Variants in PAQR5 observed in about 807,000 individuals in gnomAD.
PAQR5 encodes the protein progestin and adipoQ receptor family member 5.
Under a neutral mutation model 34.5 loss-of-function variants are expected in PAQR5, and 20 were observed. That is an observed-to-expected ratio of 0.58 (90% CI 0.41 to 0.84). The LOEUF (loss-of-function observed/expected upper bound fraction) is 0.84, where lower values mean the gene tolerates loss of function less well. Among genes scored for constraint, PAQR5 ranks in the 40% least tolerant of loss-of-function variants. The probability of loss-of-function intolerance (pLI) is 0.00; values close to 1 mark genes in which losing one functional copy is unlikely to be tolerated. For synonymous variants in PAQR5, 131 were observed against 155.6 expected (o/e 0.84, Z 1.18); for missense variants, 378 against 412.7 (o/e 0.92, Z 0.73).
intron 1 of PAQR5, among the ~76,000 whole-genome samples, chr15:69,336,924 T>C (rs1281632933): frequency 2.6e-5 from 4 of 152,252 alleles, no homozygotes; most frequent in Non-Finnish European, 5.9e-5. Flanking sequence ...TAGTCAATTG[T>C]AGCTTTAATA....
chr15:69,300,186 G>T (rs2053501339), intron 1 of PAQR5, among the ~76,000 whole-genome samples: 1 of 152,082 alleles, frequency 6.6e-6, no homozygotes, highest in Non-Finnish European at 1.5e-5. Context: ...AGGTTCAGGG[G>T]AGAGGGCACC....
intron 2 of PAQR5, among the ~76,000 whole-genome samples, chr15:69,346,176 G>A (rs1006100262): frequency 6.6e-6 from 1 of 151,956 alleles, no homozygotes; most frequent in Non-Finnish European, 1.5e-5. Context: ...GATTATGACG[G>A]AAAGAAGCTA....
At chr15:69,322,774 G>GAGGAAGAAGAAGAAGA (rs1566998035) in intron 1 of PAQR5, among the ~76,000 whole-genome samples, 2 of 32,428 alleles carry the variant, frequency 6.2e-5, no homozygotes, top group African/African-American at 1.8e-4. Flanking sequence ...GAAGAAGAGG[G>GAGGAAGAAGAAGAAGA]AGAAGAAGAA....
intron 1 of PAQR5, among the ~76,000 whole-genome samples, chr15:69,322,161 A>T (rs1352372124): frequency 5.0e-5 from 2 of 40,184 alleles, no homozygotes; most frequent in Non-Finnish European, 3.9e-5. Flanking sequence ...CCCCATTTCT[A>T]AAAAAAAAAA....
intron 3 of PAQR5, chr15:69,379,411 G>A (rs2055815924): frequency 2.0e-6 from 2 of 985,204 alleles, no homozygotes. Flanking sequence ...AGCCCTTTAT[G>A]AAGCACCTTG....
At chr15:69,382,474 GTC>G (rs2055913238) in intron 4 of PAQR5, among the ~76,000 whole-genome samples, 1 of 151,582 alleles carries the variant, frequency 6.6e-6, no homozygotes, top group Non-Finnish European at 1.5e-5. Flanking sequence ...GTGAAACGCT[GTC>G]TCTACTAAAA....
At chr15:69,362,648 C>A (rs977953219) in intron 3 of PAQR5, among the ~76,000 whole-genome samples, 2 of 152,180 alleles carry the variant, frequency 1.3e-5, no homozygotes, top group Non-Finnish European at 2.9e-5. Flanking sequence ...CAGTATCTGC[C>A]TCCTGGGGTT....
At chr15:69,318,424 T>A (rs2054003343) in intron 1 of PAQR5, among the ~76,000 whole-genome samples, 1 of 152,216 alleles carries the variant, frequency 6.6e-6, no homozygotes, top group Non-Finnish European at 1.5e-5. Flanking sequence ...CCCTCTCTCC[T>A]GTTACCTGCT....
At chr15:69,358,649 T>TTTTTTTTTTTTTG (rs2055146534) in intron 2 of PAQR5, among the ~76,000 whole-genome samples, 1 of 148,258 alleles carries the variant, frequency 6.7e-6, no homozygotes, top group African/African-American at 2.5e-5. Context: ...TTTTTTTTTT[T>TTTTTTTTTTTTTG]GAGACAGATT....
At chr15:69,310,376 A>G (rs2053804018) in intron 1 of PAQR5, among the ~76,000 whole-genome samples, 1 of 152,200 alleles carries the variant, frequency 6.6e-6, no homozygotes, top group South Asian at 2.1e-4. Flanking sequence ...AGTGGATGAG[A>G]ATACTCATTT....
intron 6 of PAQR5, among the ~76,000 whole-genome samples, chr15:69,390,773 C>T (rs2056244661): frequency 6.6e-6 from 1 of 151,742 alleles, no homozygotes; most frequent in African/African-American, 2.4e-5. Context: ...TATTCAAATG[C>T]CCTATGCATC....
chr15:69,383,617 T>C (rs2055997820), intron 4 of PAQR5, among the ~76,000 whole-genome samples: 1 of 127,126 alleles, frequency 7.9e-6, no homozygotes, highest in Non-Finnish European at 1.7e-5. Flanking sequence ...TTTGTGTTCA[T>C]GGTGGAGGGT....
At chr15:69,348,345 CTG>C (rs1205385622) in intron 2 of PAQR5, among the ~76,000 whole-genome samples, 2 of 152,178 alleles carry the variant, frequency 1.3e-5, no homozygotes, top group Admixed American at 6.5e-5. Flanking sequence ...AATGGGGAAA[CTG>C]AAGCACAGGG....
intron 2 of PAQR5, among the ~76,000 whole-genome samples, chr15:69,341,461 G>T (rs1184680561): frequency 6.7e-6 from 1 of 148,450 alleles, no homozygotes; most frequent in Non-Finnish European, 1.5e-5. Context: ...AGCTCAAGTA[G>T]TCCCCCCACC....
Position 69,405,257 on chromosome 15 carries a change from A to T in PAQR5, c.*1435A>T, listed in dbSNP as rs1310056959. ...TAGGGGGGCTTCCTCACAATGCAGGATCCTCTTTGCTGACTCAGGAATACT... is the reference window on the plus strand; with the variant it reads ...TAGGGGGGCTTCCTCACAATGCAGGTTCCTCTTTGCTGACTCAGGAATACT... On this transcript the variant is annotated 3_prime_UTR_variant, in exon 9 of 9. Coordinates refer to ENST00000395407, the MANE Select transcript of PAQR5 (RefSeq NM_017705.4). The T allele has an allele frequency of 2.9e-6, 1 of 348,562 alleles. No individual in the cohort carries two copies. The highest frequency in any genetic ancestry group is 2.1e-5 in the African/African-American group (1 of 47,488). The allele number at this position is 348,562 out of a possible 1,614,324, so 21.6% of individuals were successfully genotyped here.
intron 3 of PAQR5, among the ~76,000 whole-genome samples, chr15:69,374,845 C>A (rs573151864): frequency 1.3e-5 from 2 of 152,302 alleles, no homozygotes; most frequent in South Asian, 4.1e-4. Flanking sequence ...CAAGGAACTT[C>A]CTCTTCTGTA....
chr15:69,335,367 G>T (rs1345188735), intron 1 of PAQR5, among the ~76,000 whole-genome samples: 5 of 143,154 alleles, frequency 3.5e-5, no homozygotes, highest in East Asian at 2.2e-4. Flanking sequence ...TGCCTCAGCT[G>T]CCCAAGTAGC....
At chr15:69,315,888 C>T (rs755624658) in intron 1 of PAQR5, among the ~76,000 whole-genome samples, 17 of 152,036 alleles carry the variant, frequency 1.1e-4, no homozygotes, top group Non-Finnish European at 2.2e-4. Context: ...AGTCTCATGC[C>T]GCTTCCTTCC....
At chr15:69,322,789 A>AT (rs2054151098) in intron 1 of PAQR5, among the ~76,000 whole-genome samples, 1 of 106,744 alleles carries the variant, frequency 9.4e-6, no homozygotes, top group African/African-American at 4.0e-5. Context: ...GAAGAAGACG[A>AT]GGAAGAAGAA....
Sources: allele counts gnomAD v4.1 joint callset (sites outside exome capture counted in the v4.1 genomes callset), GRCh38; gene constraint gnomAD v4.1.1; transcripts MANE v1.5; gene names NCBI Gene and HGNC (gene_info 2026-07-23, HGNC 2026-07-21).